The following GGA1 variants were observed in gnomAD, a reference collection of about 807,000 sequenced individuals.
GGA1 encodes the protein ADP-ribosylation factor-binding protein GGA1.
In GGA1, 18 loss-of-function variants were observed where a neutral mutation model predicts 76.9. The ratio of observed to expected loss-of-function variants is 0.23; its 90% CI spans 0.16 to 0.35. GGA1 has a LOEUF of 0.35. Ranked by LOEUF, GGA1 falls within the 10% of genes least tolerant of loss-of-function variation. The pLI, the probability that GGA1 is intolerant of heterozygous loss-of-function variation, is 1.00. For missense variants in GGA1, 755 were observed against 859.0 expected, an observed-to-expected ratio of 0.88 and a Z score of 1.51; for synonymous variants, 342 against 354.7, an observed-to-expected ratio of 0.96 and a Z score of 0.40.
At chr22:37,621,516 A>G in intron 6 of GGA1, 100 bp from the exon 7 acceptor site, 1 of 715,638 alleles carries the variant, frequency 1.4e-6, no homozygotes, top group Non-Finnish European at 2.4e-6. Flanking sequence ...TAACTTACTC[A>G]GGTCCCACAG....
At chr22:37,609,253 A>C in intron 1 of GGA1, 1 of 1,167,922 alleles carries the variant, frequency 8.6e-7, no homozygotes, top group Non-Finnish European at 1.1e-6. Flanking sequence ...GGAGCACGCG[A>C]GCGGTTCCCC....
At position 37,632,258 on chromosome 22, in the gene GGA1, C is replaced by A; in HGVS notation, c.1698+93C>A. 1 of 1,372,218 alleles carries A rather than the reference C, an allele frequency of 7.3e-7. No homozygotes were observed. The allele number at this position is 1,372,218 out of a possible 1,614,324, so 85.0% of individuals were successfully genotyped here. ...GAGCCACCTGTCAGGGGGCAGGTCT[C>A]CCTCCCTTGCTGGGTGGTTGGTGTA... On this transcript the variant is annotated intron_variant, in intron 15 of 16. Transcript: ENST00000343632. This position sits in a 1 kb window ranked among gnomAD's most constrained non-coding sequence, Gnocchi z 5.1.
intron 1 of GGA1, chr22:37,609,158 A>G (rs2145852981): frequency 1.4e-6 from 2 of 1,446,056 alleles, no homozygotes; most frequent in Non-Finnish European, 1.8e-6. Flanking sequence ...ACGGCGAGTG[A>G]GCTGCGCCGG....
At position 37,625,241 on chromosome 22, in the gene GGA1, G is replaced by A. The variant is rs1164976050; in HGVS notation, c.940+165G>A. Among the ~76,000 whole-genome samples the A allele has an allele frequency of 1.3e-5, 2 of 152,232 alleles. No individual in the cohort carries two copies. Among genetic ancestry groups the A allele is most frequent in the African/African-American group, 4.8e-5 (2 of 41,536 alleles). On this transcript the variant is annotated intron_variant, in intron 10 of 16. Transcript: ENST00000343632. This position sits in a 1 kb window ranked among gnomAD's most constrained non-coding sequence, Gnocchi z 4.1. ...GGAGGGAGCTGGGGGTGAAGTCTGT[G>A]CCAAGCCTGCAGCTGTGGGGGAAGA... is the stretch of plus-strand genomic sequence containing the variant.
chr22:37,611,049 T>G (rs990121533), intron 1 of GGA1, among the ~76,000 whole-genome samples: 1 of 152,220 alleles, frequency 6.6e-6, no homozygotes, highest in African/African-American at 2.4e-5. Context: ...ACTTCCTGTT[T>G]TAGGGTCTTC....
At chr22:37,629,318 C>T (rs1931377883) in intron 11 of GGA1, 144 bp from the exon 12 acceptor site, 1 of 599,106 alleles carries the variant, frequency 1.7e-6, no homozygotes, top group Non-Finnish European at 2.9e-6. Flanking sequence ...GCTGCTGGTT[C>T]CCTCTGAAAA....
intron 4 of GGA1, chr22:37,619,859 A>G: frequency 2.6e-6 from 2 of 771,810 alleles, no homozygotes; most frequent in Non-Finnish European, 4.8e-6. Context: ...GACGGAGAGT[A>G]GGCCCAGGGC....
chr22:37,615,329 A>G (rs1928564957), intron 2 of GGA1, among the ~76,000 whole-genome samples: 2 of 151,956 alleles, frequency 1.3e-5, no homozygotes, highest in Admixed American at 1.3e-4. Context: ...CATGCCTGTA[A>G]TCCCAGCTAC....
At chr22:37,617,919 C>T (rs1162319835) in intron 3 of GGA1, 1 of 176,218 alleles carries the variant, frequency 5.7e-6, no homozygotes, top group Non-Finnish European at 1.1e-5. Context: ...ATCAGGAGTT[C>T]AAGATCAGCC....
intron 13 of GGA1, 53 bp from the exon 14 acceptor site, chr22:37,630,850 G>A (rs1484503508): frequency 4.6e-6 from 6 of 1,300,492 alleles, no homozygotes; most frequent in Non-Finnish European, 6.6e-6. Context: ...TTACAGGGGT[G>A]AGCTACCACG....
In GGA1 at chr22:37,625,718, T is replaced by G. The variant is rs969884058; in HGVS notation, c.941-79T>G. The G allele has an allele frequency of 3.5e-6, 4 of 1,152,792 alleles. No homozygotes were observed. The African/African-American group carries it at 6.2e-5, about 18-fold the overall frequency. The allele number at this position is 1,152,792 out of a possible 1,614,324, so 71.4% of individuals were successfully genotyped here. A position where few individuals can be genotyped will look rare whatever the true frequency, so the allele number is the denominator to read the frequency against. Reference sequence around the variant, plus strand: ...GTGGTAAAGCATCGGGGGTTAGGTGTTGCTCCCCCGCAACCCCTGTGGACT... The same window carrying G: ...GTGGTAAAGCATCGGGGGTTAGGTGGTGCTCCCCCGCAACCCCTGTGGACT... On this transcript the variant is annotated intron_variant, in intron 10 of 16. Transcript: ENST00000343632. The surrounding 1 kb of genome is among the most constrained non-coding windows in gnomAD (Gnocchi z 4.1).
At chr22:37,614,860 TC>T (rs1928448670) in intron 2 of GGA1, among the ~76,000 whole-genome samples, 1 of 152,128 alleles carries the variant, frequency 6.6e-6, no homozygotes, top group African/African-American at 2.4e-5. Flanking sequence ...GTGCCTGTAA[TC>T]CCAGCTACTC....
Position 37,620,818 on chromosome 22 carries a change from G to A in GGA1, c.433G>A (p.Val145Ile), listed in dbSNP as rs146936287. 1,123 of 1,599,296 alleles carry A rather than the reference G, an allele frequency of 7.0e-4. 6 individuals carry two copies. In the African/African-American group the frequency reaches 0.014, roughly 20 times the overall value. Residue 145 changes from valine (V) to isoleucine (I), a missense_variant, in exon 6 of 17, where the codon GTA (valine) becomes ATA (isoleucine). By Grantham distance (29) the Val-to-Ile change is conservative. Transcript: ENST00000343632. ...CTGACACTCATCTAATCCAGGGATTGTAAAGTCCGACCCCAAGCTTCCAGA... is the reference window on the plus strand; with the variant it reads ...CTGACACTCATCTAATCCAGGGATTATAAAGTCCGACCCCAAGCTTCCAGA... ...AYQMLKKQGI[V>I]KSDPKLPDDT...
At position 37,621,966 on chromosome 22, in the gene GGA1, T is replaced by A. The variant is rs1284508424; in HGVS notation, c.609+270T>A. Among the ~76,000 whole-genome samples, 4 of 152,132 alleles carry A rather than the reference T, an allele frequency of 2.6e-5. No individual in the cohort carries two copies. In the South Asian group the frequency reaches 8.3e-4, roughly 31 times the overall value. On this transcript the variant is annotated intron_variant, in intron 7 of 16. Transcript: ENST00000343632. The stretch of plus-strand genomic sequence containing the variant: ...GGCCTTAGTATATTTTTAAAAATAC[T>A]AAGTATTTTTAAAATTACTTTTTAG...
chr22:37,609,096 G>C, intron 1 of GGA1, 193 bp downstream of exon 1: 3 of 1,490,212 alleles, frequency 2.0e-6, no homozygotes, highest in Non-Finnish European at 1.8e-6. Context: ...GCGGTCCAGC[G>C]GTGGGAGCGG....
rs1361033093 is a variant in GGA1 at position 37,630,114 on chromosome 22, C to T, written c.1275C>T (p.Leu425=). The T allele has an allele frequency of 6.2e-7, 1 of 1,608,986 alleles. No individual in the cohort carries two copies. Among genetic ancestry groups the T allele is most frequent in the Admixed American group, 1.7e-5 (1 of 59,646 alleles). The change falls in exon 13 of 17, where the codon CTC becomes CTT. Residue 425 remains leucine, a synonymous_variant. Transcript: ENST00000343632. ...PASSGLDDLD[L]LGKTLLQQSL... Reference sequence around the variant, plus strand: ...GCAGCGGTCTGGACGACCTAGACCTCCTGGGGAAGACCCTCCTGCAGCAGT... The same window carrying T: ...GCAGCGGTCTGGACGACCTAGACCTTCTGGGGAAGACCCTCCTGCAGCAGT...
chr22:37,612,915 T>C lies in GGA1; in HGVS notation c.44-1275T>C, dbSNP rs968371692. The C allele has an allele frequency of 8.1e-6, 8 of 985,144 alleles. No homozygotes were observed. In the Admixed American group the frequency reaches 3.7e-4, roughly 45 times the overall value. The allele number at this position is 985,144 out of a possible 1,614,324, so 61.0% of individuals were successfully genotyped here. ...GTCTGGTCGTGTTTACACCACTTCA[T>C]GTAGACCTGTTGGCCCTCTTTCCTT... On this transcript the variant is annotated intron_variant, in intron 1 of 16. Transcript: ENST00000343632.
At chr22:37,613,255 C>G (rs765352175) in intron 1 of GGA1, 241 of 743,060 alleles carry the variant, frequency 3.2e-4, no homozygotes, top group Non-Finnish European at 3.9e-4. Context: ...CCGCATCTTT[C>G]CTGCCCATAC....
Position 37,630,049 on chromosome 22 carries a change from A to T in GGA1, c.1210A>T (p.Met404Leu). Residue 404 changes from methionine (M) to leucine (L), a missense_variant, in exon 13 of 17, where the codon ATG (methionine) becomes TTG (leucine). Transcript: ENST00000343632. ...PAPALAQAPS[M>L]ESRPPAQTSL... ...CCCTGCTCTGGCCCAGGCCCCCAGT[A>T]TGGAAAGCCGACCCCCAGCGCAGAC... The T allele has an allele frequency of 6.2e-7, 1 of 1,604,146 alleles. No homozygotes were observed. Among genetic ancestry groups the T allele is most frequent in the Non-Finnish European group, 8.5e-7 (1 of 1,173,380 alleles).
Sources: allele counts gnomAD v4.1 joint callset (sites outside exome capture counted in the v4.1 genomes callset), GRCh38; gene constraint gnomAD v4.1.1; non-coding constraint Gnocchi (gnomAD v3.1); transcripts MANE v1.5; gene names NCBI Gene and HGNC (gene_info 2026-07-23, HGNC 2026-07-21).